Variants in MAPK6 observed in about 807,000 individuals in gnomAD.
MAPK6 encodes the protein ERK-3.
MAPK6 carries 19 observed loss-of-function variants against 59.3 expected under a neutral mutation model. The observed-to-expected ratio is 0.32, with a 90% confidence interval of 0.22 to 0.47. The LOEUF is 0.47. MAPK6 is among the 20% of genes least tolerant of loss of function. The probability of loss-of-function intolerance (pLI) is 1.00; values close to 1 mark genes in which losing one functional copy is unlikely to be tolerated. For synonymous variants in MAPK6, 316 were observed against 290.3 expected (o/e 1.09, Z -0.90); for missense variants, 724 against 847.9 (o/e 0.85, Z 1.81).
chr15:52,010,466 C>T (rs1283499171), intron 3 of MAPK6, among the ~76,000 whole-genome samples: 4 of 150,478 alleles, frequency 2.7e-5, no homozygotes, highest in South Asian at 2.1e-4. Flanking sequence ...CCACCCAACT[C>T]GGCCTTCCAA....
At chr15:52,047,059 A>G in intron 2 of MAPK6, 44 bp downstream of exon 2, 2 of 1,367,704 alleles carry the variant, frequency 1.5e-6, no homozygotes, top group Non-Finnish European at 2.0e-6. Context: ...AAACTGATAC[A>G]CCTAATCAGG....
chr15:51,976,023 T>C (rs961439111), intron 1 of MAPK6, among the ~76,000 whole-genome samples: 2 of 151,660 alleles, frequency 1.3e-5, no homozygotes, highest in African/African-American at 2.4e-5. Context: ...TCCCAGCACT[T>C]TGGGAGGCCG....
intron 4 of MAPK6, among the ~76,000 whole-genome samples, chr15:52,060,438 A>C (rs897106327): frequency 6.6e-6 from 1 of 152,196 alleles, no homozygotes; most frequent in African/African-American, 2.4e-5. Flanking sequence ...CATAAAGAGA[A>C]GGCCAGATAG....
chr15:51,982,641 T>A (rs984708716), intron 1 of MAPK6, among the ~76,000 whole-genome samples: 1 of 152,134 alleles, frequency 6.6e-6, no homozygotes, highest in East Asian at 1.9e-4. Context: ...ACACTTCTTA[T>A]GATAAAATGA....
intron 1 of MAPK6, among the ~76,000 whole-genome samples, chr15:51,980,021 G>A (rs1029300615): frequency 3.3e-5 from 5 of 151,432 alleles, no homozygotes; most frequent in Non-Finnish European, 7.4e-5. Context: ...AGGGCCGGGC[G>A]CGGTGGCTCA....
rs1473118872 is a variant in MAPK6, at chr15:52,065,057, T to TA, written c.*58dup. The TA allele has an allele frequency of 2.0e-6, 3 of 1,469,776 alleles. No individual in the cohort carries two copies. The highest frequency in any genetic ancestry group is 2.7e-6 in the Non-Finnish European group (3 of 1,096,810). 91.0% of individuals were successfully genotyped at this position (1,469,776 alleles called of 1,614,324 possible). On this transcript the variant is annotated 3_prime_UTR_variant, in exon 6 of 6. Coordinates refer to ENST00000261845, the MANE Select transcript of MAPK6 (RefSeq NM_002748.4). Reference sequence around the variant, plus strand: ...TCATGAAATGTGTTTTGTCTTTTTTTATTACTAGTGTTTAAGTCATTTTTT... The same window carrying TA: ...TCATGAAATGTGTTTTGTCTTTTTTTAATTACTAGTGTTTAAGTCATTTTTT...
At chr15:52,016,930 G>A (rs1436954704), upstream of MAPK6, among the ~76,000 whole-genome samples, 4 of 152,168 alleles carry the variant, frequency 2.6e-5, no homozygotes, top group African/African-American at 9.7e-5. Context: ...TGTAGTCCCA[G>A]CTACTCGGGA....
At chr15:51,990,459 A>G (rs1335965100) in intron 2 of MAPK6, among the ~76,000 whole-genome samples, 1 of 152,250 alleles carries the variant, frequency 6.6e-6, no homozygotes, top group Non-Finnish European at 1.5e-5. Context: ...AGCGAAAAAG[A>G]GAAAATGTCA....
intron 2 of MAPK6, among the ~76,000 whole-genome samples, chr15:52,001,276 C>A (rs1449281825): frequency 6.6e-6 from 1 of 151,720 alleles, no homozygotes; most frequent in African/African-American, 2.4e-5. Context: ...GCCTCCAGAA[C>A]TGCAAGAAAA....
At chr15:52,003,441 A>G (rs769016698) in intron 2 of MAPK6, among the ~76,000 whole-genome samples, 21 of 152,166 alleles carry the variant, frequency 1.4e-4, no homozygotes, top group Admixed American at 3.9e-4. Context: ...CAGAAAAGGC[A>G]CATCTTCTTG....
At chr15:51,978,217 C>A (rs1416050311) in intron 1 of MAPK6, among the ~76,000 whole-genome samples, 1 of 151,546 alleles carries the variant, frequency 6.6e-6, no homozygotes, top group East Asian at 1.9e-4. Context: ...ACTGCAGCCT[C>A]CGTCTCCTGG....
intron 1 of MAPK6, chr15:52,027,985 G>A (rs1169876681): frequency 2.6e-5 from 3 of 116,158 alleles, no homozygotes; most frequent in South Asian, 2.8e-4. Flanking sequence ...ACGGAGTCTC[G>A]CTCTGTTGCC....
intron 3 of MAPK6, among the ~76,000 whole-genome samples, chr15:52,054,157 C>A (rs982441456): frequency 3.3e-5 from 5 of 151,628 alleles, no homozygotes; most frequent in Non-Finnish European, 7.4e-5. Flanking sequence ...CACCTGAGAT[C>A]AGGAGTTTGA....
intron 1 of MAPK6, among the ~76,000 whole-genome samples, chr15:51,976,454 C>T (rs1274556643): frequency 6.6e-6 from 1 of 151,422 alleles, no homozygotes; most frequent in Non-Finnish European, 1.5e-5. Flanking sequence ...GAACGTAAAA[C>T]TCAAACAAGA....
At chr15:52,051,897 T>C (rs2031796962) in intron 3 of MAPK6, among the ~76,000 whole-genome samples, 1 of 151,636 alleles carries the variant, frequency 6.6e-6, no homozygotes, top group African/African-American at 2.4e-5. Context: ...ATTTCTAAGA[T>C]GTATGATAGT....
At chr15:51,980,703 G>C (rs558903166) in intron 1 of MAPK6, among the ~76,000 whole-genome samples, 9 of 151,028 alleles carry the variant, frequency 6.0e-5, no homozygotes, top group Admixed American at 1.3e-4. Flanking sequence ...CGACTCTCCT[G>C]CCTCAGCCTC....
At chr15:51,995,896 C>A (rs1219332603) in intron 2 of MAPK6, among the ~76,000 whole-genome samples, 1 of 151,872 alleles carries the variant, frequency 6.6e-6, no homozygotes, top group Non-Finnish European at 1.5e-5. Context: ...GCACTACACT[C>A]CAGCCTGGGC....
intron 2 of MAPK6, among the ~76,000 whole-genome samples, chr15:51,989,051 G>A (rs900005383): frequency 6.6e-6 from 1 of 150,990 alleles, no homozygotes; most frequent in Non-Finnish European, 1.5e-5. Flanking sequence ...AAATAATACA[G>A]GATAATCACT....
At chr15:52,005,395 C>T (rs938242487) in intron 3 of MAPK6, among the ~76,000 whole-genome samples, 27 of 152,008 alleles carry the variant, frequency 1.8e-4, no homozygotes, top group East Asian at 3.9e-4. Context: ...GGCATGGTGG[C>T]GGGTGCCTGT....
Sources: allele counts gnomAD v4.1 joint callset (sites outside exome capture counted in the v4.1 genomes callset), GRCh38; gene constraint gnomAD v4.1.1; transcripts MANE v1.5; gene names NCBI Gene and HGNC (gene_info 2026-07-23, HGNC 2026-07-21).